CPNE8: variants seen among roughly 807,000 people sequenced by gnomAD.
The protein encoded by CPNE8 is copine 8.
A neutral mutation model predicts 81.5 loss-of-function variants in CPNE8; 45 were observed. The observed-to-expected ratio is 0.55, with a 90% CI of 0.44 to 0.71. CPNE8 has a LOEUF of 0.71. Ranked by LOEUF, CPNE8 falls within the 30% of genes least tolerant of loss-of-function variation. The pLI, the probability that CPNE8 is intolerant of heterozygous loss-of-function variation, is 0.00. For synonymous variants in CPNE8, 252 were observed against 226.3 expected, an observed-to-expected ratio of 1.11 and a Z score of -1.02; for missense variants, 594 against 672.1, an observed-to-expected ratio of 0.88 and a Z score of 1.28.
chr12:38,820,329 C>T (rs192409876), intron 6 of CPNE8, among the ~76,000 whole-genome samples: 5 of 151,666 alleles, frequency 3.3e-5, no homozygotes, highest in Non-Finnish European at 5.9e-5. Context: ...TGCTTGAACC[C>T]GGGAGGCAGA....
intron 3 of CPNE8, among the ~76,000 whole-genome samples, chr12:38,864,923 C>T (rs1943893465): frequency 6.6e-6 from 1 of 151,990 alleles, no homozygotes; most frequent in African/African-American, 2.4e-5. Context: ...GAGTAGAATG[C>T]CACACTATAT....
intron 10 of CPNE8, among the ~76,000 whole-genome samples, chr12:38,736,891 T>A (rs1334613267): frequency 6.6e-6 from 1 of 152,042 alleles, no homozygotes; most frequent in African/African-American, 2.4e-5. Context: ...TATCTAGAAT[T>A]ATATAAATTA....
chr12:38,696,699 T>C (rs1939806194), intron 14 of CPNE8, among the ~76,000 whole-genome samples: 1 of 152,194 alleles, frequency 6.6e-6, no homozygotes, highest in Non-Finnish European at 1.5e-5. Context: ...AATAGAATAT[T>C]TTTAAGAGTT....
At chr12:38,697,469 A>G (rs755707735) in intron 14 of CPNE8, among the ~76,000 whole-genome samples, 19 of 152,178 alleles carry the variant, frequency 1.2e-4, no homozygotes, top group African/African-American at 4.3e-4. Context: ...ATATTCACGT[A>G]TAAGTTTTTT....
At chr12:38,843,432 C>T (rs1433271338) in intron 4 of CPNE8, among the ~76,000 whole-genome samples, 1 of 152,062 alleles carries the variant, frequency 6.6e-6, no homozygotes, top group Non-Finnish European at 1.5e-5. Context: ...GAAGACTTTT[C>T]CCTCTCTGTT....
chr12:38,844,867 A>T (rs1943529219), intron 4 of CPNE8, among the ~76,000 whole-genome samples: 1 of 152,190 alleles, frequency 6.6e-6, no homozygotes, highest in Non-Finnish European at 1.5e-5. Flanking sequence ...CATTAAGTAA[A>T]CCCAAAACAA....
At chr12:38,854,221 C>A (rs1943690369) in intron 3 of CPNE8, among the ~76,000 whole-genome samples, 1 of 151,780 alleles carries the variant, frequency 6.6e-6, no homozygotes, top group African/African-American at 2.4e-5. Flanking sequence ...GCTACACACA[C>A]AAAGAAGGTT....
chr12:38,841,828 CT>C (rs1265197600), intron 4 of CPNE8, among the ~76,000 whole-genome samples: 1 of 151,970 alleles, frequency 6.6e-6, no homozygotes, highest in Non-Finnish European at 1.5e-5. Flanking sequence ...ATAGTCTCTC[CT>C]CCAGAAGTCC....
intron 3 of CPNE8, among the ~76,000 whole-genome samples, chr12:38,856,298 T>C (rs1255915832): frequency 6.6e-6 from 1 of 152,092 alleles, no homozygotes; most frequent in African/African-American, 2.4e-5. Flanking sequence ...GCAATATCAA[T>C]CTTCCTTAAA....
At chr12:38,747,301 A>T (rs1276137325) in intron 10 of CPNE8, among the ~76,000 whole-genome samples, 1 of 151,898 alleles carries the variant, frequency 6.6e-6, no homozygotes, top group Non-Finnish European at 1.5e-5. Flanking sequence ...TTGCTTACTT[A>T]CTCATCTGTG....
intron 18 of CPNE8, among the ~76,000 whole-genome samples, chr12:38,671,768 T>C (rs939345233): frequency 1.3e-5 from 2 of 152,238 alleles, no homozygotes; most frequent in African/African-American, 2.4e-5. Context: ...GATAATGCAT[T>C]TGGGTTGAAA....
intron 19 of CPNE8, among the ~76,000 whole-genome samples, chr12:38,657,160 G>T (rs1938840007): frequency 6.6e-6 from 1 of 152,064 alleles, no homozygotes; most frequent in Non-Finnish European, 1.5e-5. Flanking sequence ...TGGAAAAAGG[G>T]GACACTCCTG....
intron 14 of CPNE8, among the ~76,000 whole-genome samples, chr12:38,699,407 TA>T (rs1939878430): frequency 1.3e-5 from 2 of 152,242 alleles, no homozygotes; most frequent in Non-Finnish European, 2.9e-5. Context: ...TTTATATTGT[TA>T]TGTGCCCCGA....
At chr12:38,671,999 T>C (rs1275768239) in intron 18 of CPNE8, among the ~76,000 whole-genome samples, 1 of 152,172 alleles carries the variant, frequency 6.6e-6, no homozygotes, top group Non-Finnish European at 1.5e-5. Context: ...GATATGTAAA[T>C]ATAACTCATT....
At chr12:38,767,828 A>C (rs1941721636) in intron 7 of CPNE8, 90 bp from the exon 8 acceptor site, 1 of 787,344 alleles carries the variant, frequency 1.3e-6, no homozygotes, top group South Asian at 2.6e-5. Context: ...AAGAAAACAT[A>C]TTTGCTATTT....
At chr12:38,726,587 C>A (rs546952291) in intron 11 of CPNE8, 2 of 152,216 alleles carry the variant, frequency 1.3e-5, no homozygotes, top group East Asian at 1.9e-4. Context: ...ATTTGAGGAA[C>A]AAGCACTCTG....
At chr12:38,737,081 T>A (rs961088304) in intron 10 of CPNE8, among the ~76,000 whole-genome samples, 1 of 151,998 alleles carries the variant, frequency 6.6e-6, no homozygotes, top group African/African-American at 2.4e-5. Context: ...GTTTAAACTA[T>A]AGGCCAGTAA....
chr12:38,795,436 C>G (rs1040877606), intron 6 of CPNE8, among the ~76,000 whole-genome samples: 1 of 152,052 alleles, frequency 6.6e-6, no homozygotes, highest in Non-Finnish European at 1.5e-5. Flanking sequence ...ATGTTAATAG[C>G]GGCACTATTC....
At chr12:38,835,174 C>T (rs1367980619) in intron 5 of CPNE8, among the ~76,000 whole-genome samples, 3 of 152,126 alleles carry the variant, frequency 2.0e-5, no homozygotes, top group Non-Finnish European at 4.4e-5. Context: ...CATGAGCCAC[C>T]GCACCTGGCC....
Sources: gnomAD v4.1 joint callset for allele counts (sites outside exome capture counted in the v4.1 genomes callset) on GRCh38, gnomAD v4.1.1 for gene constraint, MANE v1.5 for transcripts, NCBI Gene and HGNC (gene_info 2026-07-23, HGNC 2026-07-21) for gene names.